The following UBL3 variants were observed in gnomAD, a reference collection of about 807,000 sequenced individuals.
UBL3 encodes ubiquitin-like protein 3.
UBL3 carries 6 observed loss-of-function variants against 18.4 expected under a neutral mutation model. The ratio of observed to expected loss-of-function variants is 0.33; its 90% CI spans 0.18 to 0.64. The LOEUF (loss-of-function observed/expected upper bound fraction) is 0.64. UBL3 is among the 30% of genes least tolerant of loss of function. UBL3 has a pLI of 0.76. For missense variants in UBL3, 109 were observed against 142.9 expected, an observed-to-expected ratio of 0.76 and a Z score of 1.21; for synonymous variants, 49 against 46.6, an observed-to-expected ratio of 1.05 and a Z score of -0.21.
chr13:29,840,406 T>C (rs1879067518), intron 1 of UBL3, among the ~76,000 whole-genome samples: 1 of 152,226 alleles, frequency 6.6e-6, no homozygotes, highest in African/African-American at 2.4e-5. Flanking sequence ...CAAACATTTG[T>C]GGATGGAATA....
At chr13:29,781,449 T>C (rs141199122) in intron 1 of UBL3, among the ~76,000 whole-genome samples, 1 of 152,320 alleles carries the variant, frequency 6.6e-6, no homozygotes, top group Non-Finnish European at 1.5e-5. Context: ...CATTTCAGGA[T>C]ATTCCTAATA....
chr13:29,782,542 G>A (rs947410671), intron 1 of UBL3, among the ~76,000 whole-genome samples: 6 of 151,986 alleles, frequency 3.9e-5, no homozygotes, highest in East Asian at 1.9e-4. Flanking sequence ...ATGAATCTTC[G>A]GTTTGACACA....
intron 1 of UBL3, among the ~76,000 whole-genome samples, chr13:29,804,097 A>T (rs968883489): frequency 2.0e-5 from 3 of 151,970 alleles, no homozygotes; most frequent in Non-Finnish European, 4.4e-5. Flanking sequence ...AAAAAAAAAA[A>T]ACCTGAAATT....
intron 1 of UBL3, among the ~76,000 whole-genome samples, chr13:29,780,083 G>A (rs1027930646): frequency 1.3e-5 from 2 of 151,832 alleles, no homozygotes; most frequent in Non-Finnish European, 2.9e-5. Flanking sequence ...AACCAGGCGC[G>A]GTGGCTCACG....
At chr13:29,845,102 A>G (rs1171403102) in intron 1 of UBL3, among the ~76,000 whole-genome samples, 1 of 152,126 alleles carries the variant, frequency 6.6e-6, no homozygotes, top group Non-Finnish European at 1.5e-5. Context: ...GCACTAAAGA[A>G]AAATGGTTTA....
At chr13:29,820,504 C>T (rs1878405564) in intron 1 of UBL3, among the ~76,000 whole-genome samples, 1 of 152,072 alleles carries the variant, frequency 6.6e-6, no homozygotes, top group Admixed American at 6.6e-5. Context: ...TATAGTAACT[C>T]AGAATGAACT....
At chr13:29,812,173 T>C (rs9578139) in intron 1 of UBL3, among the ~76,000 whole-genome samples, 58,165 of 151,810 alleles carry the variant, frequency 0.38, 11,333 homozygotes, top group African/African-American at 0.47. Flanking sequence ...TTGACAGTCT[T>C]ACCATTATTT....
intron 1 of UBL3, among the ~76,000 whole-genome samples, chr13:29,816,916 T>A (rs1878298237): frequency 6.6e-6 from 1 of 152,178 alleles, no homozygotes; most frequent in East Asian, 1.9e-4. Context: ...GGTAGCAGAC[T>A]GCTGCTATAC....
chr13:29,801,547 A>G (rs534025079), intron 1 of UBL3, among the ~76,000 whole-genome samples: 34 of 152,052 alleles, frequency 2.2e-4, no homozygotes, highest in African/African-American at 6.5e-4. Flanking sequence ...AGTCTCCCCA[A>G]TCCTTGGCTG....
intron 1 of UBL3, among the ~76,000 whole-genome samples, chr13:29,810,804 G>A (rs1878054144): frequency 6.6e-6 from 1 of 152,116 alleles, no homozygotes; most frequent in Admixed American, 6.6e-5. Flanking sequence ...CTCTGCTTAG[G>A]AAGAAGTAGC....
Position 29,842,134 on chromosome 13 carries a change from CTTTT to C in UBL3, c.27+7374_27+7377del, listed in dbSNP as rs201006689. On this transcript the variant is annotated intron_variant, in intron 1 of 4. Coordinates refer to ENST00000380680, the MANE Select transcript of UBL3 (RefSeq NM_007106.4). Reference sequence around the variant, plus strand: ...ACTGAAAACTCCTCCCATTCTCTTTCTTTTTTTTTTTTTTTTTTTTTTTTAGAGA... The same window carrying C: ...ACTGAAAACTCCTCCCATTCTCTTTCTTTTTTTTTTTTTTTTTTTTAGAGA... Among the ~76,000 whole-genome samples, 5 of 128,028 alleles carry C rather than the reference CTTTT, an allele frequency of 3.9e-5. No homozygotes were observed. In the East Asian group the frequency reaches 7.2e-4, roughly 18 times the overall value. The allele number at this position is 128,028 out of a possible 152,430, so 84.0% of individuals were successfully genotyped here.
chr13:29,825,684 CCTTT>C lies in UBL3; in HGVS notation c.27+23824_27+23827del, dbSNP rs531446141. 1.9e-3 allele frequency among the ~76,000 whole-genome samples: 291 copies of C among 151,600 alleles called. 1 individual carries two copies. The highest frequency in any genetic ancestry group is 6.6e-3 in the African/African-American group (275 of 41,448). On this transcript the variant is annotated intron_variant, in intron 1 of 4. Coordinates refer to ENST00000380680, the MANE Select transcript of UBL3 (RefSeq NM_007106.4). ...TTAACTTCTTTTCCTAATTGAATACCCTTTCTTTCTCCTGCCCGATTGCTCTGGC... is the reference window on the plus strand; with the variant it reads ...TTAACTTCTTTTCCTAATTGAATACCCTTTCTCCTGCCCGATTGCTCTGGC...
intron 1 of UBL3, among the ~76,000 whole-genome samples, chr13:29,843,536 G>A (rs1732277091): frequency 6.6e-6 from 1 of 152,160 alleles, no homozygotes; most frequent in African/African-American, 2.4e-5. Flanking sequence ...AGAAGAACAT[G>A]TCACTTACTA....
intron 1 of UBL3, among the ~76,000 whole-genome samples, chr13:29,843,276 A>C (rs1015603304): frequency 6.6e-6 from 1 of 152,204 alleles, no homozygotes; most frequent in African/African-American, 2.4e-5. Context: ...AGAAATTAAA[A>C]GATTAAAATT....
intron 2 of UBL3, among the ~76,000 whole-genome samples, chr13:29,772,790 A>G (rs543460802): frequency 2.8e-4 from 42 of 152,188 alleles, no homozygotes; most frequent in African/African-American, 9.6e-4. Context: ...GGAAGAAACC[A>G]AAAAAATTAT....
At chr13:29,809,835 T>A (rs1215728284) in intron 1 of UBL3, among the ~76,000 whole-genome samples, 1 of 152,106 alleles carries the variant, frequency 6.6e-6, no homozygotes, top group Non-Finnish European at 1.5e-5. Context: ...TATTTCCATA[T>A]AACCTAGCAC....
At chr13:29,849,267 T>A (rs575010620) in intron 1 of UBL3, among the ~76,000 whole-genome samples, 35 of 152,294 alleles carry the variant, frequency 2.3e-4, no homozygotes, top group African/African-American at 8.2e-4. Flanking sequence ...CAAGCTACCA[T>A]GATACATTTC....
At chr13:29,795,757 A>G (rs1207785141) in intron 1 of UBL3, among the ~76,000 whole-genome samples, 1 of 135,662 alleles carries the variant, frequency 7.4e-6, no homozygotes, top group African/African-American at 2.9e-5. Flanking sequence ...TCATCTCAGA[A>G]AAAAAAAAAA....
At chr13:29,792,769 T>C (rs998472697) in intron 1 of UBL3, among the ~76,000 whole-genome samples, 9 of 152,222 alleles carry the variant, frequency 5.9e-5, no homozygotes, top group Non-Finnish European at 1.3e-4. Flanking sequence ...TAATACATAA[T>C]TTATCAATTT....
Sources: allele counts gnomAD v4.1 joint callset (sites outside exome capture counted in the v4.1 genomes callset), GRCh38; gene constraint gnomAD v4.1.1; transcripts MANE v1.5; gene names NCBI Gene and HGNC (gene_info 2026-07-23, HGNC 2026-07-21).